Variants in AVL9 observed in about 807,000 individuals in gnomAD.
AVL9 encodes the protein late secretory pathway protein AVL9 homolog.
In AVL9, 49 loss-of-function variants were observed where a neutral mutation model predicts 79.2. The observed-to-expected ratio is 0.62, with a 90% CI of 0.49 to 0.79. The LOEUF is 0.79. AVL9 is among the 30% of genes least tolerant of loss of function. The pLI, the probability that AVL9 is intolerant of heterozygous loss-of-function variation, is 0.00. For missense variants in AVL9, 682 were observed against 776.8 expected (o/e 0.88, Z 1.45); for synonymous variants, 299 against 280.6 (o/e 1.07, Z -0.65).
intron 1 of AVL9, among the ~76,000 whole-genome samples, chr7:32,510,249 C>A (rs182588809): frequency 6.6e-4 from 98 of 149,240 alleles, no homozygotes; most frequent in African/African-American, 2.3e-3. Context: ...AGTCCTGACA[C>A]TTCTGAACTG....
intron 1 of AVL9, among the ~76,000 whole-genome samples, chr7:32,531,244 C>A (rs73099434): frequency 6.6e-6 from 1 of 151,788 alleles, no homozygotes; most frequent in South Asian, 2.1e-4. Flanking sequence ...TGGCTTTAAG[C>A]GGTAATTATT....
chr7:32,575,357 C>G (rs1225827323), intron 12 of AVL9, among the ~76,000 whole-genome samples: 2 of 152,162 alleles, frequency 1.3e-5, no homozygotes, highest in African/African-American at 4.8e-5. Flanking sequence ...CCTCGACCTC[C>G]CAAAGTGCTG....
chr7:32,558,369 G>T (rs975518250), intron 8 of AVL9, among the ~76,000 whole-genome samples, 190 bp from the exon 9 acceptor site: 1 of 151,972 alleles, frequency 6.6e-6, no homozygotes, highest in East Asian at 1.9e-4. Flanking sequence ...TGTTGGCCAG[G>T]ATGGTCTCGA....
intron 4 of AVL9, among the ~76,000 whole-genome samples, chr7:32,549,227 AT>A (rs57248130): frequency 0.22 from 26,612 of 123,600 alleles, 2,635 homozygotes; most frequent in South Asian, 0.35. Flanking sequence ...ATATATATAT[AT>A]AATTTTTTTT....
intron 6 of AVL9, 84 bp downstream of exon 6, chr7:32,552,379 G>C (rs754876617): frequency 3.7e-5 from 28 of 766,460 alleles, no homozygotes; most frequent in African/African-American, 3.2e-4. Flanking sequence ...ACTTTGATTA[G>C]AATTACATCT....
intron 12 of AVL9, among the ~76,000 whole-genome samples, chr7:32,573,727 A>G (rs1381228974): frequency 6.6e-6 from 1 of 152,230 alleles, no homozygotes; most frequent in Non-Finnish European, 1.5e-5. Flanking sequence ...CCAACATAAC[A>G]TGAACATATA....
intron 1 of AVL9, among the ~76,000 whole-genome samples, chr7:32,503,776 G>T (rs915495944): frequency 4.6e-5 from 7 of 151,836 alleles, no homozygotes; most frequent in African/African-American, 1.7e-4. Flanking sequence ...TCCACCTCCG[G>T]GGTACAAGCA....
intron 1 of AVL9, among the ~76,000 whole-genome samples, chr7:32,519,046 T>C (rs1788027200): frequency 6.6e-6 from 1 of 152,252 alleles, no homozygotes. Context: ...TTTGTCTGCA[T>C]GTCTGTTATA....
At chr7:32,548,148 T>C (rs1292716509) in intron 3 of AVL9, among the ~76,000 whole-genome samples, 4 of 122,956 alleles carry the variant, frequency 3.3e-5, no homozygotes, top group African/African-American at 1.2e-4. Context: ...TCATCTCTTT[T>C]TTCTTTTTTT....
At chr7:32,509,946 A>G (rs35349479) in intron 1 of AVL9, among the ~76,000 whole-genome samples, 1 of 152,244 alleles carries the variant, frequency 6.6e-6, no homozygotes, top group Non-Finnish European at 1.5e-5. Context: ...TAATAAGATA[A>G]CAAGGAATCT....
intron 1 of AVL9, among the ~76,000 whole-genome samples, chr7:32,496,231 C>A (rs1786802937): frequency 1.3e-5 from 2 of 152,198 alleles, no homozygotes; most frequent in Admixed American, 6.5e-5. Flanking sequence ...AGTGGGCTTG[C>A]ATACTAATGC....
Position 32,586,460 on chromosome 7 carries a change from G to GGCC in AVL9, c.*2553_*2554insGCC, listed in dbSNP as rs1276771956. Reference sequence around the variant, plus strand: ...CAGGAAGCCTCACCCCTGGTCCTGTGACCCCCCCCCCCCACACACACACAT... The same window carrying GGCC: ...CAGGAAGCCTCACCCCTGGTCCTGTGGCCACCCCCCCCCCCCACACACACACAT... On this transcript the variant is annotated 3_prime_UTR_variant, in exon 16 of 16. Transcript: ENST00000318709. The GGCC allele has an allele frequency of 4.5e-5, 1 of 22,014 alleles. No individual in the cohort carries two copies. The highest frequency in any genetic ancestry group is 2.2e-4 in the African/African-American group (1 of 4,470). 1.4% of individuals were successfully genotyped at this position (22,014 alleles called of 1,614,324 possible).
chr7:32,558,422 C>T, intron 8 of AVL9, 137 bp from the exon 9 acceptor site: 2 of 589,674 alleles, frequency 3.4e-6, no homozygotes, highest in Non-Finnish European at 5.9e-6. Context: ...TCCCAAAGTG[C>T]TGGGATTACA....
chr7:32,553,657 G>A, intron 6 of AVL9, 70 bp from the exon 7 acceptor site: 3 of 1,101,216 alleles, frequency 2.7e-6, no homozygotes, highest in African/African-American at 1.6e-5. Context: ...TCTGTTAAGG[G>A]GGAAATAACC....
intron 1 of AVL9, among the ~76,000 whole-genome samples, chr7:32,522,183 G>C (rs1175047982): frequency 6.6e-6 from 1 of 152,228 alleles, no homozygotes; most frequent in Non-Finnish European, 1.5e-5. Context: ...GCCTAGTAGA[G>C]CTGTGAGAAG....
intron 9 of AVL9, 132 bp from the exon 10 acceptor site, chr7:32,558,797 T>C: frequency 9.4e-7 from 1 of 1,058,718 alleles, no homozygotes; most frequent in Non-Finnish European, 1.3e-6. Flanking sequence ...TTCTTTCTGT[T>C]CTTTTTGTTT....
chr7:32,584,239 C>A lies in AVL9; in HGVS notation c.*332C>A, dbSNP rs1791660129. The A allele has an allele frequency of 3.6e-6, 1 of 278,252 alleles. No homozygotes were observed. The allele number at this position is 278,252 out of a possible 1,614,324, so 17.2% of individuals were successfully genotyped here. A position where few individuals can be genotyped will look rare whatever the true frequency, so the allele number is the denominator to read the frequency against. ...AGTTTTTACTTATGTAAATTTTGTT[C>A]TGTTTTGGTGTTTGAATATCTAGAT... On this transcript the variant is annotated 3_prime_UTR_variant, in exon 16 of 16. Transcript: ENST00000318709.
At chr7:32,514,574 A>G (rs534946260) in intron 1 of AVL9, among the ~76,000 whole-genome samples, 21 of 152,270 alleles carry the variant, frequency 1.4e-4, no homozygotes, top group African/African-American at 5.1e-4. Flanking sequence ...TTCTACCACA[A>G]AAGAAGTGTA....
Position 32,543,245 on chromosome 7 carries a change from A to G in AVL9, c.198A>G (p.Ala66=). The G allele has an allele frequency of 6.2e-7, 1 of 1,614,198 alleles. No homozygotes were observed. The highest frequency in any genetic ancestry group is 8.5e-7 in the Non-Finnish European group (1 of 1,180,012). The change falls in exon 2 of 16, where the codon GCA becomes GCG. Residue 66 remains alanine (A), a synonymous_variant. Transcript: ENST00000318709. ...YLPFLALPDG[A]HNYQEDTVFF... ...CCTTCCTTGCCTTACCAGATGGCGC[A>G]CACAACTACCAGGAAGGTATGTAAC... is the stretch of plus-strand genomic sequence containing the variant.
Sources: allele counts gnomAD v4.1 joint callset (sites outside exome capture counted in the v4.1 genomes callset), GRCh38; gene constraint gnomAD v4.1.1; transcripts MANE v1.5; gene names NCBI Gene and HGNC (gene_info 2026-07-23, HGNC 2026-07-21).